RAPGEF2: variants seen among roughly 807,000 people sequenced by gnomAD.
The protein encoded by RAPGEF2 is PDZ domain containing guanine nucleotide exchange factor (GEF) 1.
A neutral mutation model predicts 186.7 loss-of-function variants in RAPGEF2; 54 were observed. The observed-to-expected ratio is 0.29, with a 90% CI of 0.23 to 0.36. The LOEUF is 0.36. RAPGEF2 is among the 10% of genes least tolerant of loss of function. RAPGEF2 has a pLI of 1.00. For missense variants in RAPGEF2, 1,532 were observed against 2,045.0 expected (o/e 0.75, Z 4.84); for synonymous variants, 712 against 705.9 (o/e 1.01, Z -0.14).
chr4:159,323,640 T>A (rs1009943505), intron 11 of RAPGEF2, 23 bp downstream of exon 11: 26 of 1,331,436 alleles, frequency 2.0e-5, no homozygotes, highest in Non-Finnish European at 2.6e-5. Flanking sequence ...TCATTAAAAA[T>A]ATATATTTTA....
chr4:159,209,670 G>A (rs529801497), intron 3 of RAPGEF2, among the ~76,000 whole-genome samples: 3 of 152,182 alleles, frequency 2.0e-5, no homozygotes, highest in Non-Finnish European at 2.9e-5. Context: ...AAGGTTGTGG[G>A]GAAGTAGGTA....
chr4:159,240,480 C>T (rs755175170), intron 5 of RAPGEF2, among the ~76,000 whole-genome samples: 8 of 151,712 alleles, frequency 5.3e-5, no homozygotes, highest in Admixed American at 3.3e-4. Context: ...ATTACAGGCA[C>T]GTGCCACCAC....
intron 4 of RAPGEF2, among the ~76,000 whole-genome samples, chr4:159,224,815 G>A (rs1751864553): frequency 6.6e-6 from 1 of 152,158 alleles, no homozygotes. Context: ...CTAAGGGCCT[G>A]ACTAGTATTT....
At chr4:159,257,323 A>G (rs4565039) in intron 7 of RAPGEF2, among the ~76,000 whole-genome samples, 40,361 of 152,144 alleles carry the variant, frequency 0.27, 6,210 homozygotes, top group African/African-American at 0.42. Flanking sequence ...CAATCATGGC[A>G]GAAGGCAGGG....
At position 159,353,431 on chromosome 4, in the gene RAPGEF2, T is replaced by G; in HGVS notation, c.4092-56T>G. ...AAGGGTATTTTGGTTTTATCATAGG[T>G]GAATTAGTTATCAATCTTGTTTTTT... On this transcript the variant is annotated intron_variant, in intron 27 of 29. Coordinates refer to ENST00000691494, the MANE Select transcript of RAPGEF2 (RefSeq NM_001394067.2). This position sits in a 1 kb window ranked among gnomAD's most constrained non-coding sequence, Gnocchi z 4.3. 1 of 1,354,536 alleles carries G rather than the reference T, an allele frequency of 7.4e-7. No individual in the cohort carries two copies. The highest frequency in any genetic ancestry group is 9.8e-7 in the Non-Finnish European group (1 of 1,023,544). The allele number at this position is 1,354,536 out of a possible 1,614,324, so 83.9% of individuals were successfully genotyped here.
At chr4:159,324,658 A>G (rs986254733) in intron 11 of RAPGEF2, among the ~76,000 whole-genome samples, 5 of 152,216 alleles carry the variant, frequency 3.3e-5, no homozygotes, top group African/African-American at 1.2e-4. Flanking sequence ...TGCTAGTTAA[A>G]TAATAGCTAA....
intron 11 of RAPGEF2, among the ~76,000 whole-genome samples, chr4:159,324,275 A>G (rs945554942): frequency 3.5e-5 from 5 of 142,686 alleles, no homozygotes; most frequent in South Asian, 2.2e-4. Context: ...TGATCCCCCC[A>G]CCTCAGCCTC....
chr4:159,338,341 C>T lies in RAPGEF2; in HGVS notation c.2166C>T (p.Asp722=), dbSNP rs778073265. Reference sequence around the variant, plus strand: ...TTGGGATTGGTCAGTCTCAAGATGACAGCATAGTAGGATTAAGGCAGACAA... The same window carrying T: ...TTGGGATTGGTCAGTCTCAAGATGATAGCATAGTAGGATTAAGGCAGACAA... ...NDIGIGQSQD[D]SIVGLRQTKH... The change falls in exon 18 of 30, where the codon GAC becomes GAT. Residue 722 remains aspartate, a synonymous_variant. Transcript: ENST00000691494. 8.1e-6 allele frequency: 13 copies of T among 1,613,856 alleles called. No individual in the cohort carries two copies. The African/African-American group carries it at 1.6e-4, about 20-fold the overall frequency.
At chr4:159,236,670 T>C (rs1483977107) in intron 4 of RAPGEF2, among the ~76,000 whole-genome samples, 2 of 152,220 alleles carry the variant, frequency 1.3e-5, no homozygotes, top group South Asian at 4.1e-4. Context: ...CATATTTTAC[T>C]AACACATTGA....
intron 1 of RAPGEF2, among the ~76,000 whole-genome samples, chr4:159,163,188 G>A (rs1744906533): frequency 6.6e-6 from 1 of 152,084 alleles, no homozygotes; most frequent in Non-Finnish European, 1.5e-5. Flanking sequence ...TAAGAGTGGG[G>A]TGGTTTTTCT....
intron 1 of RAPGEF2, among the ~76,000 whole-genome samples, chr4:159,123,071 G>T (rs747715183): frequency 6.6e-6 from 1 of 152,036 alleles, no homozygotes; most frequent in African/African-American, 2.4e-5. Flanking sequence ...CTTATTTGTT[G>T]TAAGAAAATA....
chr4:159,279,531 A>G (rs773255029), intron 7 of RAPGEF2, among the ~76,000 whole-genome samples: 47 of 152,246 alleles, frequency 3.1e-4, no homozygotes, highest in Non-Finnish European at 4.6e-4. Context: ...CATCCCTGAC[A>G]TAAAATGTAG....
Position 159,355,926 on chromosome 4 carries a change from T to A in RAPGEF2, c.4725T>A (p.Phe1575Leu). The A allele has an allele frequency of 1.3e-6, 2 of 1,586,570 alleles. No homozygotes were observed. The highest frequency in any genetic ancestry group is 2.3e-5 in the South Asian group (2 of 87,352). The change falls in exon 29 of 30, where the codon TTT becomes TTA. Residue 1575 changes from phenylalanine to leucine, a missense_variant. Phe to Leu is a conservative substitution (Grantham distance 22). Coordinates refer to ENST00000691494, the MANE Select transcript of RAPGEF2 (RefSeq NM_001394067.2). ...PGYIGIPITDFPEGHSHPARK... is the reference protein window; with the variant it reads ...PGYIGIPITDLPEGHSHPARK... ...ACATTGGAATTCCCATTACTGACTT[T>A]CCAGAAGGGCACTCCCATCCAGCCA...
At chr4:159,274,086 C>G (rs868790425) in intron 7 of RAPGEF2, among the ~76,000 whole-genome samples, 1 of 152,174 alleles carries the variant, frequency 6.6e-6, no homozygotes, top group Non-Finnish European at 1.5e-5. Flanking sequence ...CCACCACGCC[C>G]GGCCCTAACA....
intron 7 of RAPGEF2, among the ~76,000 whole-genome samples, chr4:159,261,530 A>T (rs1484207308): frequency 6.6e-6 from 1 of 152,212 alleles, no homozygotes; most frequent in Non-Finnish European, 1.5e-5. Context: ...AGTGAATATT[A>T]ATATTCCATT....
chr4:159,136,727 CTAA>C (rs778333736), intron 1 of RAPGEF2, among the ~76,000 whole-genome samples: 8 of 152,052 alleles, frequency 5.3e-5, no homozygotes, highest in East Asian at 1.9e-4. Flanking sequence ...ATATTTTACT[CTAA>C]TAATAGTTTC....
chr4:159,218,754 T>C (rs2111395529), intron 4 of RAPGEF2, among the ~76,000 whole-genome samples: 1 of 151,078 alleles, frequency 6.6e-6, no homozygotes, highest in Non-Finnish European at 1.5e-5. Context: ...CGAGACTCCA[T>C]CTAAAAAAAA....
intron 7 of RAPGEF2, among the ~76,000 whole-genome samples, chr4:159,283,480 G>A (rs1055384036): frequency 3.9e-5 from 6 of 152,048 alleles, no homozygotes; most frequent in Admixed American, 2.6e-4. Context: ...GATAATGTGT[G>A]AATTCACTAG....
At chr4:159,326,096 G>C (rs545662428) in intron 11 of RAPGEF2, among the ~76,000 whole-genome samples, 1 of 152,272 alleles carries the variant, frequency 6.6e-6, no homozygotes, top group East Asian at 1.9e-4. Context: ...TACTTCCATT[G>C]ACTCATCTGC....
Sources: gnomAD v4.1 joint callset for allele counts (sites outside exome capture counted in the v4.1 genomes callset) on GRCh38, gnomAD v4.1.1 for gene constraint, Gnocchi (gnomAD v3.1) non-coding constraint, MANE v1.5 for transcripts, NCBI Gene and HGNC (gene_info 2026-07-23, HGNC 2026-07-21) for gene names.